Variants in SEC61A2 observed in about 807,000 individuals in gnomAD.
The protein encoded by SEC61A2 is SEC61 translocon subunit alpha 2.
Under a neutral mutation model 59.9 loss-of-function variants are expected in SEC61A2, and 28 were observed. That is an observed-to-expected ratio of 0.47 (90% confidence interval 0.35 to 0.64). SEC61A2 has a LOEUF of 0.64. Among genes scored for constraint, SEC61A2 ranks in the 30% least tolerant of loss-of-function variants. The pLI is 0.01. For synonymous variants in SEC61A2, 202 were observed against 214.4 expected (o/e 0.94, Z 0.50); for missense variants, 340 against 585.9 (o/e 0.58, Z 4.33).
rs993336058 is a variant in SEC61A2, at chr10:12,164,608, CTG to C, written c.*159_*160del. 189 of 1,437,008 alleles carry C rather than the reference CTG, an allele frequency of 1.3e-4. No homozygotes were observed. The African/African-American group carries it at 2.6e-3, about 20-fold the overall frequency. 89.0% of individuals were successfully genotyped at this position (1,437,008 alleles called of 1,614,324 possible). On this transcript the variant is annotated 3_prime_UTR_variant, in exon 12 of 12. Transcript: ENST00000298428. The surrounding 1 kb of genome is among the most constrained non-coding windows in gnomAD (Gnocchi z 7.3). ...TTCTGAAATGGGCACCGAGCTAAGT[CTG>C]TGTGCAGCATTAGTACCCGCTGCCT...
chr10:12,144,454 A>T (rs1834093740), intron 4 of SEC61A2, among the ~76,000 whole-genome samples: 1 of 152,196 alleles, frequency 6.6e-6, no homozygotes, highest in Non-Finnish European at 1.5e-5. Context: ...CATTATAAGG[A>T]TACGCTGTGA....
At position 12,149,390 on chromosome 10, in the gene SEC61A2, A is replaced by G. The variant is rs1444996272; in HGVS notation, c.221-205A>G. 1.3e-5 allele frequency among the ~76,000 whole-genome samples: 2 copies of G among 152,192 alleles called. No homozygotes were observed. The highest frequency in any genetic ancestry group is 1.3e-4 in the Admixed American group (2 of 15,278). ...AGGCGTGAGCCACTGTGCCAAGCCT[A>G]TAGTACTTTTTATTCAGGGCATTGC... is the stretch of plus-strand genomic sequence containing the variant. On this transcript the variant is annotated intron_variant, in intron 4 of 11. Coordinates refer to ENST00000298428, the MANE Select transcript of SEC61A2 (RefSeq NM_018144.4). The surrounding 1 kb of genome is among the most constrained non-coding windows in gnomAD (Gnocchi z 5.2).
At position 12,137,260 on chromosome 10, in the gene SEC61A2, T is replaced by C. The variant is rs77970680; in HGVS notation, c.141+1090T>C. 7.2e-4 allele frequency among the ~76,000 whole-genome samples: 110 copies of C among 152,286 alleles called. 3 individuals are homozygous for C. The East Asian group carries it at 0.02, about 27-fold the overall frequency. Reference sequence around the variant, plus strand: ...TCAAGCTAAAACCAAATTTTTGCAATCTTGGGTTGTACTGTGTTTAAAAAT... The same window carrying C: ...TCAAGCTAAAACCAAATTTTTGCAACCTTGGGTTGTACTGTGTTTAAAAAT... On this transcript the variant is annotated intron_variant, in intron 3 of 11. Transcript: ENST00000298428.
downstream of SEC61A2, chr10:12,166,952 C>G: frequency 4.0e-6 from 1 of 247,888 alleles, no homozygotes; most frequent in Non-Finnish European, 8.4e-6. Flanking sequence ...ATTACTGCCC[C>G]AAACATGTCA....
rs1276915058 is a variant in SEC61A2 at position 12,162,327 on chromosome 10, T to C, written c.1244+38T>C. The C allele has an allele frequency of 6.6e-7, 1 of 1,512,240 alleles. No individual in the cohort carries two copies. The highest frequency in any genetic ancestry group is 9.2e-7 in the Non-Finnish European group (1 of 1,087,590). 93.7% of individuals were successfully genotyped at this position (1,512,240 alleles called of 1,614,324 possible). A position where few individuals can be genotyped will look rare whatever the true frequency, so the allele number is the denominator to read the frequency against. ...GACTGACACCTTTATAGGCCTGTGTTTGTGTTTCAGTCTTTCAGTGTTGGC... is the reference window on the plus strand; with the variant it reads ...GACTGACACCTTTATAGGCCTGTGTCTGTGTTTCAGTCTTTCAGTGTTGGC... On this transcript the variant is annotated intron_variant, in intron 11 of 11. Coordinates refer to ENST00000298428, the MANE Select transcript of SEC61A2 (RefSeq NM_018144.4). The surrounding 1 kb of genome is among the most constrained non-coding windows in gnomAD (Gnocchi z 6.1).
chr10:12,139,712 A>G (rs1734841776), intron 3 of SEC61A2, among the ~76,000 whole-genome samples: 2 of 152,268 alleles, frequency 1.3e-5, no homozygotes, highest in Non-Finnish European at 1.5e-5. Context: ...TGAACCCAGG[A>G]TGCAGAGCTT....
chr10:12,148,541 G>A (rs1188812602), intron 4 of SEC61A2, among the ~76,000 whole-genome samples: 11 of 151,162 alleles, frequency 7.3e-5, no homozygotes, highest in Admixed American at 5.3e-4. Context: ...CACCACACCC[G>A]GCTTTTTTTT....
At chr10:12,133,531 A>G (rs1833812300) in intron 2 of SEC61A2, among the ~76,000 whole-genome samples, 2 of 152,236 alleles carry the variant, frequency 1.3e-5, no homozygotes, top group African/African-American at 4.8e-5. Context: ...TTAAGTTGTG[A>G]CATTTCCAAA....
rs1374242088 is a variant in SEC61A2 at position 12,143,665 on chromosome 10, G to C, written c.220+470G>C. On this transcript the variant is annotated intron_variant, in intron 4 of 11. Coordinates refer to ENST00000298428, the MANE Select transcript of SEC61A2 (RefSeq NM_018144.4). This position sits in a 1 kb window ranked among gnomAD's most constrained non-coding sequence, Gnocchi z 4.8. ...AGAGAATCGCTTGAACCTGGGAGAT[G>C]GAGGTTGCAGTGAACTAAGATCGCA... 6.6e-6 allele frequency among the ~76,000 whole-genome samples: 1 copy of C among 152,118 alleles called. No individual in the cohort carries two copies. Among genetic ancestry groups the C allele is most frequent in the African/African-American group, 2.4e-5 (1 of 41,430 alleles).
chr10:12,143,601 T>A lies in SEC61A2; in HGVS notation c.220+406T>A, dbSNP rs145194453. On this transcript the variant is annotated intron_variant, in intron 4 of 11. Transcript: ENST00000298428. The surrounding 1 kb of genome is among the most constrained non-coding windows in gnomAD (Gnocchi z 4.8). ...AATAGAAAAATTAGCCAGGTGTGGG[T>A]ATGCACCTGTAATCCCAGCTACTCA... Among the ~76,000 whole-genome samples, 3,583 of 152,108 alleles carry A rather than the reference T, an allele frequency of 0.024. 79 individuals are homozygous for A. The highest frequency in any genetic ancestry group is 0.033 in the Non-Finnish European group (2,231 of 67,988).
rs1251638959 is a variant in SEC61A2 at position 12,156,395 on chromosome 10, TTCC to T, written c.616+467_616+469del. Among the ~76,000 whole-genome samples the T allele has an allele frequency of 6.6e-6, 1 of 152,194 alleles. No homozygotes were observed. The highest frequency in any genetic ancestry group is 1.5e-5 in the Non-Finnish European group (1 of 68,028). ...GAAATATTTCATTCTCTCTTTCCCC[TTCC>T]TCATCTCCACTTCTAACAGATACTG... On this transcript the variant is annotated intron_variant, in intron 7 of 11. Transcript: ENST00000298428. The surrounding 1 kb of genome is among the most constrained non-coding windows in gnomAD (Gnocchi z 5.2).
chr10:12,149,578 C>T lies in SEC61A2; in HGVS notation c.221-17C>T. On this transcript the variant is annotated splice_polypyrimidine_tract_variant and intron_variant, in intron 4 of 11. Coordinates refer to ENST00000298428, the MANE Select transcript of SEC61A2 (RefSeq NM_018144.4). The surrounding 1 kb of genome is among the most constrained non-coding windows in gnomAD (Gnocchi z 5.2). ...TGTACAGCAAACATTGCACACTTCT[C>T]TCCCCTTCCTTTCCAGGAACTTTAA... The T allele has an allele frequency of 6.3e-7, 1 of 1,593,962 alleles. No homozygotes were observed. Among genetic ancestry groups the T allele is most frequent in the Non-Finnish European group, 8.5e-7 (1 of 1,171,528 alleles).
rs748876936 is a variant in SEC61A2, at chr10:12,136,095, T to C, written c.76-10T>C. On this transcript the variant is annotated splice_polypyrimidine_tract_variant and intron_variant, in intron 2 of 11. Coordinates refer to ENST00000298428, the MANE Select transcript of SEC61A2 (RefSeq NM_018144.4). ...TTTTGATTGATGATTCTTTACATTT[T>C]GTTGTACAGATCCAGTTTAGAGAGA... The C allele has an allele frequency of 6.3e-7, 1 of 1,592,114 alleles. No individual in the cohort carries two copies.
At position 12,129,776 on chromosome 10, in the gene SEC61A2, C is replaced by T; in HGVS notation, c.-12C>T. On this transcript the variant is annotated 5_prime_UTR_variant, in exon 1 of 12. Transcript: ENST00000298428. The surrounding 1 kb of genome is among the most constrained non-coding windows in gnomAD (Gnocchi z 5.6). ...GGCCGCGGTTTCCCCCTGGGCCTCC[C>T]CAGCAGCAGCCATGGGCAGTGAGTA... 2.0e-6 allele frequency: 3 copies of T among 1,485,016 alleles called. No individual in the cohort carries two copies. The highest frequency in any genetic ancestry group is 1.3e-5 in the South Asian group (1 of 78,340). The allele number at this position is 1,485,016 out of a possible 1,614,324, so 92.0% of individuals were successfully genotyped here.
At chr10:12,169,091 T>A (rs866209689), downstream of SEC61A2, among the ~76,000 whole-genome samples, 1 of 152,196 alleles carries the variant, frequency 6.6e-6, no homozygotes, top group Non-Finnish European at 1.5e-5. This position sits in a 1 kb window ranked among gnomAD's most constrained non-coding sequence, Gnocchi z 4.8. Context: ...TGTAATACTT[T>A]CCTTCCGACT....
In SEC61A2 at chr10:12,155,637, C is replaced by G. The variant is rs1834379903; in HGVS notation, c.463-141C>G. On this transcript the variant is annotated intron_variant, in intron 6 of 11. Coordinates refer to ENST00000298428, the MANE Select transcript of SEC61A2 (RefSeq NM_018144.4). This position sits in a 1 kb window ranked among gnomAD's most constrained non-coding sequence, Gnocchi z 4.3. ...GTAAATGAAAGCAGGCCAAAAGATGCAGTTGGTCATCACAGTGAGATTGCA... is the reference window on the plus strand; with the variant it reads ...GTAAATGAAAGCAGGCCAAAAGATGGAGTTGGTCATCACAGTGAGATTGCA... The G allele has an allele frequency of 3.2e-6, 3 of 946,710 alleles. No individual in the cohort carries two copies. The highest frequency in any genetic ancestry group is 2.1e-5 in the Admixed American group (1 of 47,682). The allele number at this position is 946,710 out of a possible 1,614,324, so 58.6% of individuals were successfully genotyped here.
chr10:12,135,937 T>C (rs1346919585), intron 2 of SEC61A2, among the ~76,000 whole-genome samples, 168 bp from the exon 3 acceptor site: 1 of 152,232 alleles, frequency 6.6e-6, no homozygotes, highest in Non-Finnish European at 1.5e-5. Flanking sequence ...AAAAAATGTT[T>C]GTAAAACTTT....
chr10:12,155,452 C>A lies in SEC61A2; in HGVS notation c.463-326C>A. 1 of 1,077,716 alleles carries A rather than the reference C, an allele frequency of 9.3e-7. No individual in the cohort carries two copies. The highest frequency in any genetic ancestry group is 1.3e-6 in the Non-Finnish European group (1 of 767,702). 66.8% of individuals were successfully genotyped at this position (1,077,716 alleles called of 1,614,324 possible). On this transcript the variant is annotated intron_variant, in intron 6 of 11. Transcript: ENST00000298428. The surrounding 1 kb of genome is among the most constrained non-coding windows in gnomAD (Gnocchi z 4.3). The stretch of plus-strand genomic sequence containing the variant: ...TCTTGCTGTCATAAATTCTAGAATA[C>A]TGTGATCATTTTTTGTTTCAGTGTG...
Position 12,161,064 on chromosome 10 carries a change from G to A in SEC61A2, c.1110G>A (p.Gly370=). 6.2e-7 allele frequency: 1 copy of A among 1,613,944 alleles called. No homozygotes were observed. The highest frequency in any genetic ancestry group is 8.5e-7 in the Non-Finnish European group (1 of 1,179,906). The change falls in exon 10 of 12, where the codon GGG becomes GGA. Residue 370 remains glycine, a synonymous_variant. Coordinates refer to ENST00000298428, the MANE Select transcript of SEC61A2 (RefSeq NM_018144.4). The surrounding 1 kb of genome is among the most constrained non-coding windows in gnomAD (Gnocchi z 5.4). ...HVVVYIIFML[G]SCAFFSKTWI... Reference sequence around the variant, plus strand: ...TTGTTTATATCATCTTCATGTTGGGGTCATGTGCATTCTTCTCTAAGACAT... The same window carrying A: ...TTGTTTATATCATCTTCATGTTGGGATCATGTGCATTCTTCTCTAAGACAT...
Sources: allele counts gnomAD v4.1 joint callset (sites outside exome capture counted in the v4.1 genomes callset), GRCh38; gene constraint gnomAD v4.1.1; non-coding constraint Gnocchi (gnomAD v3.1); transcripts MANE v1.5; gene names NCBI Gene and HGNC (gene_info 2026-07-23, HGNC 2026-07-21).